Variants in GTF2F2 observed in about 807,000 individuals in gnomAD.
The protein encoded by GTF2F2 is ATP-dependent helicase GTF2F2.
In GTF2F2, 23 loss-of-function variants were observed where a neutral mutation model predicts 42.2. The ratio of observed to expected loss-of-function variants is 0.55; its 90% CI spans 0.39 to 0.77. The LOEUF is 0.77. Ranked by LOEUF, GTF2F2 falls within the 30% of genes least tolerant of loss-of-function variation. GTF2F2 has a pLI of 0.00. For missense variants in GTF2F2, 261 were observed against 287.2 expected, an observed-to-expected ratio of 0.91 and a Z score of 0.66; for synonymous variants, 105 against 100.8, an observed-to-expected ratio of 1.04 and a Z score of -0.25.
intron 1 of GTF2F2, among the ~76,000 whole-genome samples, chr13:45,129,115 A>AC (rs1375541119): frequency 6.6e-6 from 1 of 152,184 alleles, no homozygotes; most frequent in Non-Finnish European, 1.5e-5. Context: ...AAGCTTCCAA[A>AC]CATTCTTGTG....
intron 5 of GTF2F2, among the ~76,000 whole-genome samples, chr13:45,243,394 C>T (rs561060053): frequency 3.3e-5 from 5 of 152,220 alleles, no homozygotes; most frequent in Admixed American, 2.0e-4. Flanking sequence ...ACTGCAACTC[C>T]GAGAGATCTA....
chr13:45,188,020 C>T lies in GTF2F2; in HGVS notation c.305-19404C>T, dbSNP rs1315506900. Among the ~76,000 whole-genome samples the T allele has an allele frequency of 2.6e-5, 4 of 152,110 alleles. 1 individual carries two copies. The highest frequency in any genetic ancestry group is 1.9e-4 in the East Asian group (1 of 5,188). ...TCCTGGGTTCTAGCGATTCTCATGC[C>T]GCAGCCTCCCAAGTAGCTCAGATTA... On this transcript the variant is annotated intron_variant, in intron 4 of 7. Transcript: ENST00000340473.
At chr13:45,122,342 A>G (rs1868686863) in intron 1 of GTF2F2, among the ~76,000 whole-genome samples, 1 of 152,158 alleles carries the variant, frequency 6.6e-6, no homozygotes, top group Admixed American at 6.5e-5. Context: ...TTAGAAAATT[A>G]TCACAGGATC....
Position 45,240,101 on chromosome 13 carries a change from A to ATTTTT in GTF2F2, c.387-12748_387-12744dup, listed in dbSNP as rs34744288. Among the ~76,000 whole-genome samples the ATTTTT allele has an allele frequency of 2.1e-3, 188 of 91,070 alleles. 10 individuals are homozygous for ATTTTT. Among genetic ancestry groups the ATTTTT allele is most frequent in the African/African-American group, 7.4e-3 (139 of 18,830 alleles). The allele number at this position is 91,070 out of a possible 152,430, so 59.7% of individuals were successfully genotyped here. On this transcript the variant is annotated intron_variant, in intron 5 of 7. Coordinates refer to ENST00000340473, the MANE Select transcript of GTF2F2 (RefSeq NM_004128.3). ...TCCAATTTCTGTATTATGTAGAGGG[A>ATTTTT]TTTTTTTTTTTTTTTTTTTTTTTTT... is the stretch of plus-strand genomic sequence containing the variant.
At position 45,252,410 on chromosome 13, in the gene GTF2F2, TTC is replaced by T. The variant is rs550163550; in HGVS notation, c.387-453_387-452del. Among the ~76,000 whole-genome samples, 432 of 152,368 alleles carry T rather than the reference TTC, an allele frequency of 2.8e-3. 1 individual carries two copies. The highest frequency in any genetic ancestry group is 3.3e-3 in the Non-Finnish European group (227 of 68,038). ...AGAGGTTTCTGTGATGATAGAAATG[TTC>T]TCTCTCTGTGCTGTTCAGTAAACCT... is the stretch of plus-strand genomic sequence containing the variant. On this transcript the variant is annotated intron_variant, in intron 5 of 7. Transcript: ENST00000340473.
intron 6 of GTF2F2, among the ~76,000 whole-genome samples, chr13:45,258,621 G>A (rs1285728139): frequency 2.0e-5 from 3 of 152,166 alleles, no homozygotes; most frequent in Non-Finnish European, 4.4e-5. Context: ...GGTGTTCAAT[G>A]TATTTAAAAA....
intron 5 of GTF2F2, among the ~76,000 whole-genome samples, chr13:45,232,142 G>A (rs1874716016): frequency 6.6e-6 from 1 of 152,142 alleles, no homozygotes; most frequent in Non-Finnish European, 1.5e-5. Context: ...TATCAGAGTA[G>A]CTGGCTGGAG....
At chr13:45,203,233 C>T (rs373576882) in intron 4 of GTF2F2, among the ~76,000 whole-genome samples, 6 of 150,980 alleles carry the variant, frequency 4.0e-5, no homozygotes, top group South Asian at 4.2e-4. Flanking sequence ...TGCACCACCA[C>T]GCCCACCTTT....
chr13:45,122,907 A>G (rs962878574), intron 1 of GTF2F2, among the ~76,000 whole-genome samples: 3 of 152,162 alleles, frequency 2.0e-5, no homozygotes, highest in African/African-American at 7.2e-5. Flanking sequence ...TAAGAACTAT[A>G]CATACAAGAT....
chr13:45,278,565 A>G (rs1369253975), intron 7 of GTF2F2, among the ~76,000 whole-genome samples: 1 of 152,172 alleles, frequency 6.6e-6, no homozygotes, highest in Non-Finnish European at 1.5e-5. Context: ...CTCTGTTTCA[A>G]ATACAGGTGG....
intron 5 of GTF2F2, among the ~76,000 whole-genome samples, chr13:45,233,800 C>T (rs951270271): frequency 1.3e-5 from 2 of 152,184 alleles, no homozygotes; most frequent in Non-Finnish European, 2.9e-5. Flanking sequence ...GTAGTCCCAG[C>T]TACTCAAGAG....
At chr13:45,175,295 A>G (rs181304646) in intron 4 of GTF2F2, among the ~76,000 whole-genome samples, 1 of 152,356 alleles carries the variant, frequency 6.6e-6, no homozygotes, top group East Asian at 1.9e-4. Flanking sequence ...GTGGCTGAAT[A>G]GTATTCCATT....
intron 4 of GTF2F2, among the ~76,000 whole-genome samples, chr13:45,159,312 T>C (rs753494434): frequency 1.4e-4 from 21 of 152,260 alleles, no homozygotes; most frequent in Non-Finnish European, 3.1e-4. Flanking sequence ...TTTGAAAACT[T>C]AACTGAAATT....
chr13:45,159,135 C>T (rs1870910520), intron 4 of GTF2F2, among the ~76,000 whole-genome samples: 1 of 152,148 alleles, frequency 6.6e-6, no homozygotes, highest in Admixed American at 6.5e-5. Flanking sequence ...GAGACATATT[C>T]CCCAGATAAA....
At chr13:45,219,272 A>G in intron 5 of GTF2F2, 1 of 152,216 alleles carries the variant, frequency 6.6e-6, no homozygotes, top group South Asian at 2.1e-4. Flanking sequence ...CTGGAATTTG[A>G]ACCCACATCT....
intron 5 of GTF2F2, among the ~76,000 whole-genome samples, chr13:45,225,845 C>T (rs1376930333): frequency 6.6e-6 from 1 of 152,032 alleles, no homozygotes; most frequent in Non-Finnish European, 1.5e-5. Flanking sequence ...ACAGTGGTGC[C>T]TGTTGTACTT....
rs139972349 is a variant in GTF2F2, at chr13:45,252,859, AT to A, written c.387-4del. 204 of 1,205,578 alleles carry A rather than the reference AT, an allele frequency of 1.7e-4. No individual in the cohort carries two copies. The highest frequency in any genetic ancestry group is 2.7e-4 in the Admixed American group (11 of 40,448). The allele number at this position is 1,205,578 out of a possible 1,614,324, so 74.7% of individuals were successfully genotyped here. ...AACAAGAGTGTTAATAATGCCTTAT[AT>A]TTTTTTTCAGATTGCAAATAGAAGA... On this transcript the variant is annotated splice_polypyrimidine_tract_variant and intron_variant, in intron 5 of 7. Transcript: ENST00000340473.
At chr13:45,165,167 G>C (rs1259469666) in intron 4 of GTF2F2, among the ~76,000 whole-genome samples, 2 of 150,778 alleles carry the variant, frequency 1.3e-5, no homozygotes, top group Admixed American at 6.6e-5. Context: ...AAGAAATAAA[G>C]AGAAATAGAA....
At chr13:45,150,190 A>G (rs1182704705) in intron 3 of GTF2F2, among the ~76,000 whole-genome samples, 1 of 152,192 alleles carries the variant, frequency 6.6e-6, no homozygotes, top group African/African-American at 2.4e-5. Context: ...ATACTTCATA[A>G]TCTTCCTACA....
Sources: allele counts gnomAD v4.1 joint callset (sites outside exome capture counted in the v4.1 genomes callset), GRCh38; gene constraint gnomAD v4.1.1; transcripts MANE v1.5; gene names NCBI Gene and HGNC (gene_info 2026-07-23, HGNC 2026-07-21).